PCDHGB6: variants seen among roughly 807,000 people sequenced by gnomAD.
PCDHGB6 encodes protocadherin gamma-B6.
A neutral mutation model predicts 59.1 loss-of-function variants in PCDHGB6; 51 were observed. The observed-to-expected ratio is 0.86, with a 90% CI of 0.69 to 1.09. The LOEUF (loss-of-function observed/expected upper bound fraction) is 1.09, where lower values mean the gene tolerates loss of function less well. PCDHGB6 is among the 50% of genes least tolerant of loss of function. PCDHGB6 has a pLI of 0.00. For missense variants in PCDHGB6, 1,148 were observed against 1,205.1 expected (o/e 0.95, Z 0.70); for synonymous variants, 466 against 495.1 (o/e 0.94, Z 0.78).
intron 1 of PCDHGB6, among the ~76,000 whole-genome samples, chr5:141,448,106 A>G (rs1308837314): frequency 1.3e-5 from 2 of 151,996 alleles, no homozygotes. Context: ...AAATTAAAAG[A>G]AAAGAAAATT....
At chr5:141,446,339 G>A (rs1455819111) in intron 1 of PCDHGB6, among the ~76,000 whole-genome samples, 1 of 152,164 alleles carries the variant, frequency 6.6e-6, no homozygotes, top group Non-Finnish European at 1.5e-5. Flanking sequence ...GAACTGGATG[G>A]ACAAAGCTAC....
At chr5:141,425,258 G>T (rs965944291) in intron 1 of PCDHGB6, among the ~76,000 whole-genome samples, 2 of 152,134 alleles carry the variant, frequency 1.3e-5, no homozygotes, top group Non-Finnish European at 2.9e-5. Context: ...GAGGTATTTG[G>T]CTGGGAAAAG....
At position 141,415,520 on chromosome 5, in the gene PCDHGB6, C is replaced by A. The variant is rs200535016; in HGVS notation, c.2418+4900C>A. The A allele has an allele frequency of 1.8e-4, 288 of 1,614,072 alleles. 3 individuals carry two copies. The highest frequency in any genetic ancestry group is 6.7e-5 in the Non-Finnish European group (79 of 1,180,044). On this transcript the variant is annotated intron_variant, in intron 1 of 3. Coordinates refer to ENST00000520790, the MANE Select transcript of PCDHGB6 (RefSeq NM_018926.3). Reference sequence around the variant, plus strand: ...TTCCCCCAGCCCAATTATGCGGACACGCTCATCAGCCAGGAGAGCTGTGAG... The same window carrying A: ...TTCCCCCAGCCCAATTATGCGGACAAGCTCATCAGCCAGGAGAGCTGTGAG...
Position 141,431,706 on chromosome 5 carries a change from AG to A in PCDHGB6, c.2418+21087del. The A allele has an allele frequency of 6.2e-7, 1 of 1,614,248 alleles. No homozygotes were observed. The highest frequency in any genetic ancestry group is 8.5e-7 in the Non-Finnish European group (1 of 1,180,048). ...GACCACGAGGAGTCAGGATTCTACC[AG>A]ATGGAAGTGCAAGCAATGGATAATG... On this transcript the variant is annotated intron_variant, in intron 1 of 3. Coordinates refer to ENST00000520790, the MANE Select transcript of PCDHGB6 (RefSeq NM_018926.3). This position sits in a 1 kb window ranked among gnomAD's most constrained non-coding sequence, Gnocchi z 4.8.
intron 1 of PCDHGB6, chr5:141,419,908 C>T: frequency 1.2e-6 from 2 of 1,613,976 alleles, no homozygotes; most frequent in Non-Finnish European, 1.7e-6. Context: ...CACCCTCTGA[C>T]TCCCAGGCTG....
chr5:141,414,271 C>T (rs1561747971), intron 1 of PCDHGB6: 3 of 1,613,292 alleles, frequency 1.9e-6, no homozygotes, highest in East Asian at 2.2e-5. Context: ...AGATTCACCT[C>T]TGGGAACAGT....
chr5:141,507,151 G>C (rs1423834553), intron 3 of PCDHGB6: 2 of 152,192 alleles, frequency 1.3e-5, no homozygotes, highest in African/African-American at 4.8e-5. Context: ...TATTACCTGA[G>C]CAGGATGAGA....
At chr5:141,415,740 G>GTTTTTTTTTTTTTTTGT (rs2095912649) in intron 1 of PCDHGB6, 1 of 515,998 alleles carries the variant, frequency 1.9e-6, no homozygotes, top group Non-Finnish European at 2.6e-6. Flanking sequence ...GTTTATTAAG[G>GTTTTTTTTTTTTTTTGT]TTTTTTTTTT....
At chr5:141,415,318 C>T (rs1324377536) in intron 1 of PCDHGB6, 4 of 1,614,252 alleles carry the variant, frequency 2.5e-6, no homozygotes, top group Admixed American at 1.7e-5. Flanking sequence ...CGTCATCGTG[C>T]TGCTGGCGCA....
intron 1 of PCDHGB6, among the ~76,000 whole-genome samples, chr5:141,467,404 C>T (rs1032912609): frequency 1.3e-5 from 2 of 151,864 alleles, no homozygotes; most frequent in African/African-American, 4.8e-5. Context: ...AGTTAGAAAG[C>T]CTTTCCCCAC....
At chr5:141,433,212 T>C (rs747556366) in intron 1 of PCDHGB6, 75 of 1,570,956 alleles carry the variant, frequency 4.8e-5, no homozygotes, top group Non-Finnish European at 6.2e-5. Flanking sequence ...TTCTTTCTTT[T>C]TTTTTTTTAA....
At chr5:141,420,311 T>C (rs762191274) in intron 1 of PCDHGB6, 102 of 1,454,698 alleles carry the variant, frequency 7.0e-5, no homozygotes, top group Non-Finnish European at 9.3e-5. Flanking sequence ...CTTTTTATAT[T>C]ACAATATGCC....
Position 141,486,274 on chromosome 5 carries a change from T to A in PCDHGB6, c.2419-8533T>A. On this transcript the variant is annotated intron_variant, in intron 1 of 3. Coordinates refer to ENST00000520790, the MANE Select transcript of PCDHGB6 (RefSeq NM_018926.3). The surrounding 1 kb of genome is among the most constrained non-coding windows in gnomAD (Gnocchi z 5.0). ...TCCCCGAGAGTGCAGAACCTGGCAC[T>A]GTGGTGGCACTTATCAGTGTGCAGG... is the stretch of plus-strand genomic sequence containing the variant. 5 of 1,614,064 alleles carry A rather than the reference T, an allele frequency of 3.1e-6. No homozygotes were observed. The highest frequency in any genetic ancestry group is 4.2e-6 in the Non-Finnish European group (5 of 1,179,998).
At position 141,477,961 on chromosome 5, in the gene PCDHGB6, C is replaced by G. The variant is rs199947431; in HGVS notation, c.2419-16846C>G. On this transcript the variant is annotated intron_variant, in intron 1 of 3. Transcript: ENST00000520790. The surrounding 1 kb of genome is among the most constrained non-coding windows in gnomAD (Gnocchi z 4.9). ...CCTACAGTCTCTTGGGATCCCCTAA[C>G]CAGAGCCTTTTTGCCATAGGGCTGC... 10 of 1,614,166 alleles carry G rather than the reference C, an allele frequency of 6.2e-6. No individual in the cohort carries two copies. Among genetic ancestry groups the G allele is most frequent in the Middle Eastern group, 3.3e-4 (2 of 6,062 alleles).
intron 1 of PCDHGB6, among the ~76,000 whole-genome samples, chr5:141,455,290 T>C (rs551962783): frequency 5.3e-5 from 8 of 152,206 alleles, no homozygotes; most frequent in East Asian, 1.9e-4. Flanking sequence ...TCACTTTACA[T>C]AGTTTCATCT....
At position 141,485,069 on chromosome 5, in the gene PCDHGB6, G is replaced by A. The variant is rs1185236732; in HGVS notation, c.2419-9738G>A. 1.1e-6 allele frequency: 1 copy of A among 905,912 alleles called. No homozygotes were observed. Among genetic ancestry groups the A allele is most frequent in the Non-Finnish European group, 1.7e-6 (1 of 577,940 alleles). The allele number at this position is 905,912 out of a possible 1,614,324, so 56.1% of individuals were successfully genotyped here. A position where few individuals can be genotyped will look rare whatever the true frequency, so the allele number is the denominator to read the frequency against. On this transcript the variant is annotated intron_variant, in intron 1 of 3. Coordinates refer to ENST00000520790, the MANE Select transcript of PCDHGB6 (RefSeq NM_018926.3). This position sits in a 1 kb window ranked among gnomAD's most constrained non-coding sequence, Gnocchi z 5.7. ...GCGCCGGCCGAACCGCGCCAGAGCTGGCGCGGGGAAAGGGAGATAGGTGTC... is the reference window on the plus strand; with the variant it reads ...GCGCCGGCCGAACCGCGCCAGAGCTAGCGCGGGGAAAGGGAGATAGGTGTC...
Position 141,476,715 on chromosome 5 carries a change from G to C in PCDHGB6, c.2419-18092G>C. 6.2e-7 allele frequency: 1 copy of C among 1,614,168 alleles called. No individual in the cohort carries two copies. The highest frequency in any genetic ancestry group is 8.5e-7 in the Non-Finnish European group (1 of 1,180,030). On this transcript the variant is annotated intron_variant, in intron 1 of 3. Transcript: ENST00000520790. The surrounding 1 kb of genome is among the most constrained non-coding windows in gnomAD (Gnocchi z 7.6). ...AAGTACGCGGAGCTGGTGTTGGAGC[G>C]CGCCCTGGACCGAGAACGGGAGCCT...
At position 141,419,527 on chromosome 5, in the gene PCDHGB6, C is replaced by G. The variant is rs755936657; in HGVS notation, c.2418+8907C>G. ...TGCGCGTGTTGGTGGGCGACCGTAA[C>G]GACAACGCACCGCGGGTGCTGTACC... is the stretch of plus-strand genomic sequence containing the variant. On this transcript the variant is annotated intron_variant, in intron 1 of 3. Transcript: ENST00000520790. The G allele has an allele frequency of 6.8e-5, 110 of 1,612,064 alleles. 2 individuals carry two copies. In the South Asian group the frequency reaches 9.6e-4, roughly 14 times the overall value.
At chr5:141,510,158 A>G (rs1406170246) in intron 3 of PCDHGB6, among the ~76,000 whole-genome samples, 1 of 152,018 alleles carries the variant, frequency 6.6e-6, no homozygotes, top group African/African-American at 2.4e-5. Flanking sequence ...CTGTAATCTC[A>G]GCTACTCAGG....
Sources: gnomAD v4.1 joint callset for allele counts (sites outside exome capture counted in the v4.1 genomes callset) on GRCh38, gnomAD v4.1.1 for gene constraint, Gnocchi (gnomAD v3.1) non-coding constraint, MANE v1.5 for transcripts, NCBI Gene and HGNC (gene_info 2026-07-23, HGNC 2026-07-21) for gene names.